Variants in CHCHD3 observed in about 807,000 individuals in gnomAD.
CHCHD3 encodes the protein MICOS complex subunit MIC19.
Under a neutral mutation model 38.2 loss-of-function variants are expected in CHCHD3, and 20 were observed. The observed-to-expected ratio is 0.52, with a 90% CI of 0.37 to 0.76. The LOEUF (loss-of-function observed/expected upper bound fraction) is 0.76. Among genes scored for constraint, CHCHD3 ranks in the 30% least tolerant of loss-of-function variants. CHCHD3 has a pLI of 0.00. For synonymous variants in CHCHD3, 82 were observed against 100.0 expected (o/e 0.82, Z 1.07); for missense variants, 245 against 279.2 (o/e 0.88, Z 0.87).
At chr7:132,967,191 G>A (rs1236305358) in intron 4 of CHCHD3, among the ~76,000 whole-genome samples, 2 of 152,188 alleles carry the variant, frequency 1.3e-5, no homozygotes, top group Admixed American at 6.6e-5. Flanking sequence ...TAGAAAATAT[G>A]AGAACACATT....
chr7:132,904,835 C>T (rs951993141), intron 4 of CHCHD3, among the ~76,000 whole-genome samples: 13 of 152,142 alleles, frequency 8.5e-5, no homozygotes, highest in Non-Finnish European at 1.6e-4. Flanking sequence ...AAATTTGGAA[C>T]CAACCCAAAT....
rs147867825 is a variant in CHCHD3 at position 132,785,090 on chromosome 7, T to C, written c.*547A>G. On this transcript the variant is annotated 3_prime_UTR_variant, in exon 8 of 8. Coordinates refer to ENST00000262570, the MANE Select transcript of CHCHD3 (RefSeq NM_017812.4). ...AAGTTATAATGAAATAGCTCTTACA[T>C]AATCAAAGGAGAAAAGAAAGACAAA... The C allele has an allele frequency of 4.0e-3, 606 of 153,256 alleles. 5 individuals are homozygous for C. The highest frequency in any genetic ancestry group is 0.013 in the African/African-American group (555 of 41,564). The allele number at this position is 153,256 out of a possible 1,614,324, so 9.5% of individuals were successfully genotyped here.
At chr7:132,831,023 C>A (rs1027768001) in intron 6 of CHCHD3, among the ~76,000 whole-genome samples, 1 of 152,076 alleles carries the variant, frequency 6.6e-6, no homozygotes, top group Non-Finnish European at 1.5e-5. Context: ...GGAAAAAAGG[C>A]CCAATACAAA....
Position 133,035,635 on chromosome 7 carries a change from C to A in CHCHD3, c.170-11008G>T. ...GAATCAGCAAAGCTCACCCACTGCA[C>A]CACCTGGGCTGCTGCCTCTGGAGTA... On this transcript the variant is annotated intron_variant, in intron 2 of 7. Transcript: ENST00000262570. This position sits in a 1 kb window ranked among gnomAD's most constrained non-coding sequence, Gnocchi z 4.7. The A allele has an allele frequency of 1.9e-6, 3 of 1,611,156 alleles. No homozygotes were observed. Among genetic ancestry groups the A allele is most frequent in the Non-Finnish European group, 8.5e-7 (1 of 1,178,406 alleles).
chr7:133,077,617 G>T (rs1815041349), intron 1 of CHCHD3, among the ~76,000 whole-genome samples: 4 of 152,214 alleles, frequency 2.6e-5, no homozygotes, highest in African/African-American at 9.6e-5. Context: ...ATAAACTTGC[G>T]AAAGATAGAG....
chr7:132,926,158 T>A (rs1431076317), intron 4 of CHCHD3, among the ~76,000 whole-genome samples: 1 of 152,206 alleles, frequency 6.6e-6, no homozygotes, highest in Non-Finnish European at 1.5e-5. Context: ...GCAAGTAGAC[T>A]AGTTGGGATA....
chr7:132,963,092 A>T (rs1332438333), intron 4 of CHCHD3, among the ~76,000 whole-genome samples: 2 of 151,044 alleles, frequency 1.3e-5, no homozygotes, highest in East Asian at 3.9e-4. Context: ...AGAAGTATTA[A>T]GAGGTAAATG....
intron 6 of CHCHD3, among the ~76,000 whole-genome samples, chr7:132,836,328 C>T (rs187382937): frequency 8.5e-4 from 129 of 152,236 alleles, no homozygotes; most frequent in African/African-American, 2.9e-3. Context: ...CCACGTTGCC[C>T]AGGCTGATCT....
chr7:132,921,388 A>C (rs1810258891), intron 4 of CHCHD3, among the ~76,000 whole-genome samples: 1 of 152,206 alleles, frequency 6.6e-6, no homozygotes, highest in Non-Finnish European at 1.5e-5. Flanking sequence ...AATAAAAGCA[A>C]GAAAATTCCA....
chr7:132,895,182 A>G (rs1321453337), intron 4 of CHCHD3, among the ~76,000 whole-genome samples: 7 of 152,260 alleles, frequency 4.6e-5, no homozygotes, highest in Admixed American at 2.6e-4. Flanking sequence ...AAGAAATCCA[A>G]TGAGGCCTCT....
At chr7:132,959,736 A>G (rs1241544901) in intron 4 of CHCHD3, among the ~76,000 whole-genome samples, 1 of 150,004 alleles carries the variant, frequency 6.7e-6, no homozygotes. Flanking sequence ...AAAAAAAAAA[A>G]AAAAGAAAAA....
intron 5 of CHCHD3, among the ~76,000 whole-genome samples, chr7:132,869,989 A>G (rs1477894993): frequency 1.3e-5 from 2 of 152,174 alleles, no homozygotes. Context: ...TCTATATTAT[A>G]AAAACAGTTT....
At chr7:132,913,948 CTTTTTTTT>C (rs71178066) in intron 4 of CHCHD3, among the ~76,000 whole-genome samples, 1 of 102,346 alleles carries the variant, frequency 9.8e-6, no homozygotes, top group Non-Finnish European at 2.0e-5. Flanking sequence ...TTTTCTTTTT[CTTTTTTTT>C]TTTTTTTTTT....
intron 4 of CHCHD3, among the ~76,000 whole-genome samples, chr7:132,915,609 T>C (rs1304082164): frequency 6.6e-6 from 1 of 152,234 alleles, no homozygotes; most frequent in Non-Finnish European, 1.5e-5. Flanking sequence ...AATTGTTTTG[T>C]TTTGAAGTTC....
chr7:132,986,882 C>G (rs925126173), intron 3 of CHCHD3, among the ~76,000 whole-genome samples: 2 of 152,182 alleles, frequency 1.3e-5, no homozygotes, highest in Non-Finnish European at 2.9e-5. Flanking sequence ...TTGTCCTTAT[C>G]TATAGAGCTG....
chr7:132,839,030 T>TA lies in CHCHD3; in HGVS notation c.454-562dup, dbSNP rs957023004. Among the ~76,000 whole-genome samples, 197 of 146,566 alleles carry TA rather than the reference T, an allele frequency of 1.3e-3. 1 individual carries two copies. The highest frequency in any genetic ancestry group is 3.5e-3 in the Middle Eastern group (1 of 286). On this transcript the variant is annotated intron_variant, in intron 5 of 7. Coordinates refer to ENST00000262570, the MANE Select transcript of CHCHD3 (RefSeq NM_017812.4). Reference sequence around the variant, plus strand: ...ATATGGAGAAACCACGTCTCTACTTTAAAAAAAAAAAATTAGCTGGGCATG... The same window carrying TA: ...ATATGGAGAAACCACGTCTCTACTTTAAAAAAAAAAAAATTAGCTGGGCATG...
chr7:132,907,077 C>A (rs186112215), intron 4 of CHCHD3, among the ~76,000 whole-genome samples: 5 of 152,288 alleles, frequency 3.3e-5, no homozygotes, highest in Non-Finnish European at 2.9e-5. Context: ...AAATAATTTA[C>A]ACACCTGAAG....
intron 3 of CHCHD3, among the ~76,000 whole-genome samples, chr7:133,008,559 A>G (rs1584638952): frequency 6.6e-6 from 1 of 152,224 alleles, no homozygotes; most frequent in East Asian, 1.9e-4. Context: ...TCAAAGTCTT[A>G]CAATGCATAA....
At chr7:132,961,611 T>C (rs1036263926) in intron 4 of CHCHD3, among the ~76,000 whole-genome samples, 3 of 152,366 alleles carry the variant, frequency 2.0e-5, no homozygotes, top group Admixed American at 6.5e-5. Context: ...ACACAATGCA[T>C]GCGTGCGGTT....
Sources: gnomAD v4.1 joint callset for allele counts (sites outside exome capture counted in the v4.1 genomes callset) on GRCh38, gnomAD v4.1.1 for gene constraint, Gnocchi (gnomAD v3.1) non-coding constraint, MANE v1.5 for transcripts, NCBI Gene and HGNC (gene_info 2026-07-23, HGNC 2026-07-21) for gene names.